DMD: variants seen among roughly 807,000 people sequenced by gnomAD.
The protein encoded by DMD is dystrophin.
Under a neutral mutation model 330.1 loss-of-function variants are expected in DMD, and 63 were observed. The observed-to-expected ratio is 0.19, with a 90% CI of 0.16 to 0.24. The LOEUF is 0.24. Ranked by LOEUF, DMD falls within the 10% of genes least tolerant of loss-of-function variation. DMD has a pLI of 1.00. For synonymous variants in DMD, 1,223 were observed against 959.8 expected, an observed-to-expected ratio of 1.27 and a Z score of -5.07; for missense variants, 3,344 against 2,684.1, an observed-to-expected ratio of 1.25 and a Z score of -5.43.
At chrX:32,832,829 C>A (rs963696980) in intron 4 of DMD, among the ~76,000 whole-genome samples, 10 of 111,191 alleles carry the variant, frequency 9.0e-5, no homozygotes, top group Non-Finnish European at 1.9e-5. Context: ...TATATACAAC[C>A]TAAACGGTGG....
rs776235107 is a variant in DMD, at chrX:32,332,477, A to T, written c.5922+9623T>A. On this transcript the variant is annotated intron_variant, in intron 41 of 78. Coordinates refer to ENST00000357033, the MANE Select transcript of DMD (RefSeq NM_004006.3). Reference sequence around the variant, plus strand: ...TGCACACATGAGAAAGATTCATTGAAAAAAACACTTTTGAGTAAAGAAGTT... The same window carrying T: ...TGCACACATGAGAAAGATTCATTGATAAAAACACTTTTGAGTAAAGAAGTT... Among the ~76,000 whole-genome samples the T allele has an allele frequency of 2.8e-5, 3 of 107,080 alleles. No homozygotes were observed. In the East Asian group the frequency reaches 8.9e-4, roughly 32 times the overall value. The allele number at this position is 107,080 out of a possible 115,157, so 93.0% of individuals were successfully genotyped here. A position where few individuals can be genotyped will look rare whatever the true frequency, so the allele number is the denominator to read the frequency against.
At chrX:32,702,132 G>T (rs1968238689) in intron 7 of DMD, among the ~76,000 whole-genome samples, 2 of 112,072 alleles carry the variant, frequency 1.8e-5, no homozygotes, top group South Asian at 3.6e-4. Flanking sequence ...AAATTTGAAA[G>T]ATAGAAAATT....
At chrX:32,554,125 G>T (rs755288715) in intron 16 of DMD, among the ~76,000 whole-genome samples, 1 of 112,064 alleles carries the variant, frequency 8.9e-6, no homozygotes, top group Non-Finnish European at 1.9e-5. Flanking sequence ...TCTCTGGGAC[G>T]CAGCTAAAGC....
intron 1 of DMD, among the ~76,000 whole-genome samples, chrX:33,023,378 G>T (rs1346034927): frequency 4.5e-5 from 5 of 111,082 alleles, no homozygotes; most frequent in Admixed American, 1.9e-4. Context: ...TATGACTTTT[G>T]CTAAATATCT....
intron 50 of DMD, among the ~76,000 whole-genome samples, chrX:31,819,514 G>A (rs1249493746): frequency 8.9e-6 from 1 of 112,610 alleles, no homozygotes; most frequent in Non-Finnish European, 1.9e-5. Flanking sequence ...ATTGCCTTCG[G>A]CCTCAGAAAA....
chrX:31,641,022 G>C (rs971054263), intron 54 of DMD, among the ~76,000 whole-genome samples: 9 of 111,967 alleles, frequency 8.0e-5, no homozygotes, highest in African/African-American at 2.9e-4. Flanking sequence ...ATACTGAGGA[G>C]CAGGAGACCT....
At chrX:31,436,912 C>T (rs1288369758) in intron 60 of DMD, among the ~76,000 whole-genome samples, 1 of 111,893 alleles carries the variant, frequency 8.9e-6, no homozygotes, top group African/African-American at 3.2e-5. Flanking sequence ...AAAACAAACA[C>T]ATACTTCTTT....
rs1488138300 is a variant in DMD, at chrX:31,846,603, G to A, written c.7099-9784C>T. On this transcript the variant is annotated intron_variant, in intron 48 of 78. Coordinates refer to ENST00000357033, the MANE Select transcript of DMD (RefSeq NM_004006.3). ...ACACTGTAACAAATTCAAAAGGCTG[G>A]ATATTTCTTCCTTTAAAATTGCTTA... Among the ~76,000 whole-genome samples the A allele has an allele frequency of 4.5e-5, 5 of 111,574 alleles. No individual in the cohort carries two copies. In the Admixed American group the frequency reaches 4.8e-4, roughly 11 times the overall value.
At chrX:33,170,200 C>T (rs1472033136) in intron 1 of DMD, among the ~76,000 whole-genome samples, 6 of 110,990 alleles carry the variant, frequency 5.4e-5, no homozygotes, top group Admixed American at 2.9e-4. Context: ...AGGGCTTTGC[C>T]GTTCCCAAGT....
chrX:33,111,844 C>G (rs1254136019), intron 1 of DMD, among the ~76,000 whole-genome samples: 1 of 110,892 alleles, frequency 9.0e-6, no homozygotes, highest in African/African-American at 3.3e-5. Flanking sequence ...CTCCTGACCT[C>G]AAGTGATTCA....
At chrX:31,234,730 T>C (rs962577998) in intron 63 of DMD, among the ~76,000 whole-genome samples, 1 of 111,973 alleles carries the variant, frequency 8.9e-6, no homozygotes, top group African/African-American at 3.2e-5. Flanking sequence ...TCTGGTTATG[T>C]GAGTGTCAAA....
intron 17 of DMD, among the ~76,000 whole-genome samples, chrX:32,540,446 G>T (rs182262090): frequency 9.0e-6 from 1 of 111,297 alleles, no homozygotes. Flanking sequence ...TAATTGTTTT[G>T]GGTAAATAAG....
At chrX:33,121,317 G>T (rs753896273) in intron 1 of DMD, among the ~76,000 whole-genome samples, 1 of 107,390 alleles carries the variant, frequency 9.3e-6, no homozygotes. Context: ...CGAAACCTCC[G>T]CCTCCCAGGT....
intron 1 of DMD, among the ~76,000 whole-genome samples, chrX:33,106,348 G>A (rs1013374667): frequency 1.8e-5 from 2 of 110,736 alleles, no homozygotes; most frequent in Non-Finnish European, 3.8e-5. Context: ...CTCGGGTGAC[G>A]GCTCAATAAA....
At chrX:32,957,252 T>C (rs145274574) in intron 2 of DMD, among the ~76,000 whole-genome samples, 1,140 of 111,484 alleles carry the variant, frequency 0.01, 15 homozygotes, top group African/African-American at 0.035. Flanking sequence ...TATTTAATAC[T>C]TTTGGGTGGA....
At position 33,020,278 on chromosome X, in the gene DMD, C is replaced by A. The variant is rs72470536; in HGVS notation, c.32-78G>T. Reference sequence around the variant, plus strand: ...CATATTTTACAACCAAAGTAACTTTCCATTATGATGTGTTAGTGTTTTTTT... The same window carrying A: ...CATATTTTACAACCAAAGTAACTTTACATTATGATGTGTTAGTGTTTTTTT... On this transcript the variant is annotated intron_variant, in intron 1 of 78. Coordinates refer to ENST00000357033, the MANE Select transcript of DMD (RefSeq NM_004006.3). 5.5e-4 allele frequency: 384 copies of A among 694,195 alleles called. 2 individuals are homozygous for A. In the African/African-American group the frequency reaches 7.5e-3, roughly 14 times the overall value. 57.2% of individuals were successfully genotyped at this position (694,195 alleles called of 1,213,427 possible).
intron 2 of DMD, among the ~76,000 whole-genome samples, chrX:32,855,634 C>T (rs1301068488): frequency 1.8e-5 from 2 of 111,770 alleles, no homozygotes; most frequent in African/African-American, 6.5e-5. Flanking sequence ...AAATTAGACC[C>T]TTATCTCTCG....
intron 44 of DMD, among the ~76,000 whole-genome samples, chrX:32,030,793 T>C (rs370958212): frequency 8.9e-6 from 1 of 112,024 alleles, no homozygotes; most frequent in South Asian, 3.7e-4. Flanking sequence ...ACCTGTTTTA[T>C]AGTAGCACTG....
At chrX:31,336,627 C>T (rs760790281) in intron 61 of DMD, among the ~76,000 whole-genome samples, 15 of 112,246 alleles carry the variant, frequency 1.3e-4, no homozygotes, top group Non-Finnish European at 2.4e-4. Flanking sequence ...ATGGCATTAC[C>T]CTTAGATGGA....
Sources: allele counts gnomAD v4.1 joint callset (sites outside exome capture counted in the v4.1 genomes callset), GRCh38; gene constraint gnomAD v4.1.1; transcripts MANE v1.5; gene names NCBI Gene and HGNC (gene_info 2026-07-23, HGNC 2026-07-21).